Variants in EFNB2 observed in about 807,000 individuals in gnomAD.
EFNB2 encodes the protein ephrin B2.
In EFNB2, 5 loss-of-function variants were observed where a neutral mutation model predicts 32.1. The ratio of observed to expected loss-of-function variants is 0.16; its 90% CI spans 0.08 to 0.33. The LOEUF is 0.33. Among genes scored for constraint, EFNB2 ranks in the 10% least tolerant of loss-of-function variants. The pLI is 1.00. For missense variants in EFNB2, 263 were observed against 422.6 expected (o/e 0.62, Z 3.31); for synonymous variants, 168 against 166.5 (o/e 1.01, Z -0.07).
rs914751767 is a variant in EFNB2, at chr13:106,518,958, G to C, written c.123-6146C>G. ...GTCTCTGAAAATACATGCGAAATGT[G>C]TGACAATATACCTGGTGGCTCTCCT... On this transcript the variant is annotated intron_variant, in intron 1 of 4. Coordinates refer to ENST00000646441, the MANE Select transcript of EFNB2 (RefSeq NM_004093.4). The surrounding 1 kb of genome is among the most constrained non-coding windows in gnomAD (Gnocchi z 4.1). 6 of 152,296 alleles carry C rather than the reference G, an allele frequency of 3.9e-5. No homozygotes were observed. The highest frequency in any genetic ancestry group is 1.4e-4 in the African/African-American group (6 of 41,562). The allele number at this position is 152,296 out of a possible 1,614,324, so 9.4% of individuals were successfully genotyped here.
rs72656502 is a variant in EFNB2 at position 106,512,131 on chromosome 13, G to A, written c.406+398C>T. Among the ~76,000 whole-genome samples, 762 of 152,142 alleles carry A rather than the reference G, an allele frequency of 5.0e-3. 7 individuals are homozygous for A. Among genetic ancestry groups the A allele is most frequent in the Non-Finnish European group, 8.8e-3 (599 of 68,008 alleles). On this transcript the variant is annotated intron_variant, in intron 2 of 4. Coordinates refer to ENST00000646441, the MANE Select transcript of EFNB2 (RefSeq NM_004093.4). ...GCCCTTAAGCACAGTCTCTGGCACA[G>A]AATAAATACGAAATGAATGAGTGAA...
At chr13:106,523,109 G>A (rs2138936705) in intron 1 of EFNB2, among the ~76,000 whole-genome samples, 1 of 152,256 alleles carries the variant, frequency 6.6e-6, no homozygotes, top group East Asian at 1.9e-4. Flanking sequence ...TAGGTCTGCT[G>A]TGGGCGTATG....
In EFNB2 at chr13:106,507,836, C is replaced by A. The variant is rs376037952; in HGVS notation, c.406+4693G>T. On this transcript the variant is annotated intron_variant, in intron 2 of 4. Transcript: ENST00000646441. ...AACAGTCCTTCGGAAAGATGACTTA[C>A]GGACTATGCCACAAGATGTGTCTTA... Among the ~76,000 whole-genome samples the A allele has an allele frequency of 2.3e-4, 35 of 152,266 alleles. 2 individuals carry two copies. The South Asian group carries it at 7.1e-3, about 31-fold the overall frequency.
rs1742893440 is a variant in EFNB2 at position 106,534,805 on chromosome 13, C to T, written c.122+38G>A. 2.5e-6 allele frequency: 4 copies of T among 1,583,368 alleles called. No homozygotes were observed. In the African/African-American group the frequency reaches 4.1e-5, roughly 16 times the overall value. On this transcript the variant is annotated intron_variant, in intron 1 of 4. Transcript: ENST00000646441. ...CCCGCCCGGACGGCGCGGCGGACCC[C>T]GGGGCGGGGACATAGGGGGATCGCG...
chr13:106,494,884 G>T lies in EFNB2; in HGVS notation c.610C>A (p.Pro204Thr). 6.2e-7 allele frequency: 1 copy of T among 1,612,474 alleles called. No individual in the cohort carries two copies. Among genetic ancestry groups the T allele is most frequent in the East Asian group, 2.2e-5 (1 of 44,858 alleles). ...STTSPFVKPN[P>T]GSSTDGNSAG... ...CACACAGATCATGCTGTTATACCTG[G>T]ATTTGGTTTTACAAAGGGACTTGTT... The change falls in exon 4 of 5, where the codon CCA becomes ACA. Residue 204 changes from proline (P) to threonine (T), a missense_variant. Around this residue, in one of 3 missense-constraint regions of EFNB2, gnomAD observed 172 missense variants for 237.1 expected, o/e 0.73. Transcript: ENST00000646441.
chr13:106,499,617 T>C (rs1878705710), intron 2 of EFNB2, among the ~76,000 whole-genome samples: 1 of 152,188 alleles, frequency 6.6e-6, no homozygotes, highest in East Asian at 1.9e-4. Context: ...ATAGTATTGC[T>C]ACATAAATGA....
intron 4 of EFNB2, among the ~76,000 whole-genome samples, chr13:106,494,549 A>T (rs922771261): frequency 2.0e-5 from 3 of 152,240 alleles, no homozygotes; most frequent in African/African-American, 7.2e-5. Flanking sequence ...TTAATTACAT[A>T]TACATTAACA....
At chr13:106,514,608 C>T (rs1427782336) in intron 1 of EFNB2, among the ~76,000 whole-genome samples, 1 of 152,180 alleles carries the variant, frequency 6.6e-6, no homozygotes, top group African/African-American at 2.4e-5. Context: ...GATCATCTTC[C>T]TGACATTTCC....
chr13:106,531,528 T>C (rs574355444), intron 1 of EFNB2, among the ~76,000 whole-genome samples: 1 of 152,314 alleles, frequency 6.6e-6, no homozygotes, highest in South Asian at 2.1e-4. Flanking sequence ...TGTGCATTTG[T>C]TTACCTACAA....
chr13:106,501,009 TAAG>T (rs1336901339), intron 2 of EFNB2, among the ~76,000 whole-genome samples: 1 of 152,040 alleles, frequency 6.6e-6, no homozygotes, highest in Non-Finnish European at 1.5e-5. Context: ...AGTTGAAAAA[TAAG>T]AAGGCTGATA....
intron 2 of EFNB2, chr13:106,505,987 C>T (rs977328819): frequency 3.3e-5 from 5 of 152,200 alleles, no homozygotes; most frequent in Non-Finnish European, 5.9e-5. Context: ...CCGCTATACC[C>T]GAGAGCCAGG....
chr13:106,494,369 C>A (rs1393720283), intron 4 of EFNB2, among the ~76,000 whole-genome samples: 2 of 152,150 alleles, frequency 1.3e-5, no homozygotes, highest in Non-Finnish European at 2.9e-5. Context: ...ACACTTTTGT[C>A]AGGGACCTGT....
intron 1 of EFNB2, chr13:106,520,476 G>A (rs544602701): frequency 1.3e-5 from 2 of 152,348 alleles, no homozygotes; most frequent in East Asian, 3.9e-4. Context: ...GGAGCTAGGA[G>A]AGCATTAACA....
rs1037326323 is a variant in EFNB2, at chr13:106,493,640, C to G, written c.614-212G>C. ...GGGACTTCCCTACCCTCCCAAGCCA[C>G]AGGGTTTCCTTTGTATCATTATCCA... On this transcript the variant is annotated intron_variant, in intron 4 of 4. Transcript: ENST00000646441. This position sits in a 1 kb window ranked among gnomAD's most constrained non-coding sequence, Gnocchi z 6.1. 6.6e-6 allele frequency among the ~76,000 whole-genome samples: 1 copy of G among 152,216 alleles called. No homozygotes were observed. The highest frequency in any genetic ancestry group is 1.5e-5 in the Non-Finnish European group (1 of 68,034).
chr13:106,522,815 A>G (rs1879569878), intron 1 of EFNB2, among the ~76,000 whole-genome samples: 1 of 152,130 alleles, frequency 6.6e-6, no homozygotes, highest in African/African-American at 2.4e-5. Flanking sequence ...CTCCTCCAGG[A>G]TTGAGTCTGT....
chr13:106,519,700 C>T (rs772258296), intron 1 of EFNB2: 6 of 152,204 alleles, frequency 3.9e-5, no homozygotes, highest in Non-Finnish European at 7.4e-5. Context: ...ACACACACCG[C>T]CTTTACCTGA....
intron 4 of EFNB2, among the ~76,000 whole-genome samples, chr13:106,494,154 T>C (rs927723917): frequency 1.3e-5 from 2 of 152,192 alleles, no homozygotes; most frequent in Non-Finnish European, 2.9e-5. Context: ...TCCTTGACTC[T>C]TGGAAAGGGA....
chr13:106,522,055 C>CAA (rs149485810), intron 1 of EFNB2, among the ~76,000 whole-genome samples: 4 of 145,334 alleles, frequency 2.8e-5, no homozygotes, highest in Admixed American at 1.4e-4. Flanking sequence ...ACCAAAAAAA[C>CAA]AAAAAAAAAA....
chr13:106,512,691 C>T lies in EFNB2; in HGVS notation c.244G>A (p.Asp82Asn). 6.2e-7 allele frequency: 1 copy of T among 1,613,792 alleles called. No homozygotes were observed. The highest frequency in any genetic ancestry group is 2.2e-5 in the East Asian group (1 of 44,814). Residue 82 changes from aspartate to asparagine, a missense_variant, in exon 2 of 5, where the codon GAT (aspartate) becomes AAT (asparagine). This residue lies in a region of EFNB2 where 45 missense variants were observed against 128.6 expected (regional missense o/e 0.35). Coordinates refer to ENST00000646441, the MANE Select transcript of EFNB2 (RefSeq NM_004093.4). ...GTGCATCTGTCTGCTTGGTCTTTAT[C>T]AACCATATAAACTTTATAATATTCA... is the stretch of plus-strand genomic sequence containing the variant. ...QYEYYKVYMVDKDQADRCTIK... is the reference protein window; with the variant it reads ...QYEYYKVYMVNKDQADRCTIK...
Sources: gnomAD v4.1 joint callset for allele counts (sites outside exome capture counted in the v4.1 genomes callset) on GRCh38, gnomAD v4.1.1 for gene constraint, gnomAD v4.1.1 regional missense constraint, Gnocchi (gnomAD v3.1) non-coding constraint, MANE v1.5 for transcripts, NCBI Gene and HGNC (gene_info 2026-07-23, HGNC 2026-07-21) for gene names.